RTTN: variants seen among roughly 807,000 people sequenced by gnomAD.
RTTN encodes the protein rotatin.
Under a neutral mutation model 269.2 loss-of-function variants are expected in RTTN, and 182 were observed. The observed-to-expected ratio is 0.68, with a 90% confidence interval of 0.60 to 0.76. The LOEUF (loss-of-function observed/expected upper bound fraction) is 0.76, where lower values mean the gene tolerates loss of function less well. RTTN is among the 30% of genes least tolerant of loss of function. The pLI, the probability that RTTN is intolerant of heterozygous loss-of-function variation, is 0.00. For missense variants in RTTN, 2,545 were observed against 2,608.6 expected, an observed-to-expected ratio of 0.98 and a Z score of 0.53; for synonymous variants, 1,006 against 963.5, an observed-to-expected ratio of 1.04 and a Z score of -0.82.
intron 35 of RTTN, chr18:70,061,453 A>C (rs898242071): frequency 9.7e-5 from 44 of 455,854 alleles, no homozygotes; most frequent in Admixed American, 1.6e-4. Flanking sequence ...AAATGTATAC[A>C]TTGCTATTTA....
rs1308660238 is a variant in RTTN at position 70,100,156 on chromosome 18, TA to T, written c.3904-7353del. On this transcript the variant is annotated intron_variant, in intron 28 of 48. Coordinates refer to ENST00000640769, the MANE Select transcript of RTTN (RefSeq NM_173630.4). ...CTTGATGAAGGTGGCATTGAATCTA[TA>T]AATTACCTTGGCCAGTATGGCCATT... 2.0e-5 allele frequency among the ~76,000 whole-genome samples: 3 copies of T among 152,262 alleles called. No homozygotes were observed. In the East Asian group the frequency reaches 5.8e-4, roughly 29 times the overall value.
At chr18:70,024,345 T>C (rs145950567) in intron 44 of RTTN, among the ~76,000 whole-genome samples, 3 of 152,220 alleles carry the variant, frequency 2.0e-5, no homozygotes, top group South Asian at 2.1e-4. Context: ...CCAACTGTTA[T>C]GAGAACTTTC....
chr18:70,113,889 A>T (rs1359197364), intron 27 of RTTN, among the ~76,000 whole-genome samples: 1 of 152,084 alleles, frequency 6.6e-6, no homozygotes, highest in Non-Finnish European at 1.5e-5. Context: ...GCCCAGAGGA[A>T]TGTGTGAATA....
At chr18:70,126,213 T>C (rs1452828650) in intron 25 of RTTN, among the ~76,000 whole-genome samples, 1 of 152,128 alleles carries the variant, frequency 6.6e-6, no homozygotes, top group Non-Finnish European at 1.5e-5. Context: ...TCCTGTAATG[T>C]GGTATTGCAT....
intron 31 of RTTN, 28 bp downstream of exon 31, chr18:70,087,961 G>C: frequency 1.2e-6 from 2 of 1,606,128 alleles, no homozygotes; most frequent in Non-Finnish European, 1.7e-6. Context: ...GAATTTCTAA[G>C]GAAAAAAAGG....
chr18:70,086,576 A>G, intron 32 of RTTN, 37 bp downstream of exon 32: 1 of 1,421,498 alleles, frequency 7.0e-7, no homozygotes, highest in Non-Finnish European at 9.8e-7. Flanking sequence ...TTAATTTGAA[A>G]CATCTACTAG....
chr18:70,024,662 C>T (rs1291919082), intron 44 of RTTN, 60 bp downstream of exon 44: 5 of 1,459,800 alleles, frequency 3.4e-6, no homozygotes, highest in Non-Finnish European at 4.8e-6. Flanking sequence ...TCCACCTTAA[C>T]AACATTTATA....
At chr18:70,041,441 G>A (rs1187784527) in intron 40 of RTTN, among the ~76,000 whole-genome samples, 1 of 152,010 alleles carries the variant, frequency 6.6e-6, no homozygotes, top group African/African-American at 2.4e-5. Flanking sequence ...AGAGGCAAGT[G>A]TATTAGGCTT....
Position 70,092,747 on chromosome 18 carries a change from C to T in RTTN, c.3961G>A (p.Gly1321Ser). ...CAAAGAATTGTGCTCTTTGTAACAC[C>T]TTTTCCCATGAAGGACATAGCATTT... The part of the protein sequence containing the change: ...GGNAMSFMGK[G>S]VTKSTILCLL... The change falls in exon 29 of 49, where the codon GGT becomes AGT. Residue 1321 changes from glycine (G) to serine (S), a missense_variant. Gly to Ser is a moderately conservative substitution (Grantham distance 56). Coordinates refer to ENST00000640769, the MANE Select transcript of RTTN (RefSeq NM_173630.4). 1.2e-6 allele frequency: 2 copies of T among 1,613,520 alleles called. No homozygotes were observed. The highest frequency in any genetic ancestry group is 2.2e-5 in the East Asian group (1 of 44,866).
At chr18:70,071,581 T>C (rs1007889613) in intron 34 of RTTN, among the ~76,000 whole-genome samples, 3 of 152,152 alleles carry the variant, frequency 2.0e-5, no homozygotes, top group African/African-American at 2.4e-5. Flanking sequence ...GAGGAGAATA[T>C]TGAGTTCGAT....
rs774834767 is a variant in RTTN, at chr18:70,030,106, T to G, written c.5651A>C (p.Asn1884Thr). The G allele has an allele frequency of 1.9e-6, 3 of 1,609,564 alleles. No individual in the cohort carries two copies. The highest frequency in any genetic ancestry group is 1.7e-6 in the Non-Finnish European group (2 of 1,177,526). The change falls in exon 42 of 49, where the codon AAT (asparagine) becomes ACT (threonine). Residue 1884 changes from asparagine (N) to threonine (T), a missense_variant. Coordinates refer to ENST00000640769, the MANE Select transcript of RTTN (RefSeq NM_173630.4). Reference sequence around the variant, plus strand: ...CTGCTCCATGCAATTGTCTATAAGATTGGCTGAAAGACAAAATCTGCAGTA... The same window carrying G: ...CTGCTCCATGCAATTGTCTATAAGAGTGGCTGAAAGACAAAATCTGCAGTA... The part of the protein sequence containing the change: ...RRAQKHALKA[N>T]LIDNCMEQMK...
At chr18:70,189,889 T>C (rs7234144) in intron 9 of RTTN, among the ~76,000 whole-genome samples, 13,836 of 152,268 alleles carry the variant, frequency 0.091, 1,400 homozygotes, top group African/African-American at 0.25. Context: ...ACAATTACAA[T>C]TAAATACCAG....
chr18:70,059,015 T>G (rs192104926), intron 36 of RTTN, among the ~76,000 whole-genome samples: 1 of 152,006 alleles, frequency 6.6e-6, no homozygotes, highest in Admixed American at 6.6e-5. Context: ...TGTTCAAAGG[T>G]AAAGGGACAG....
intron 37 of RTTN, among the ~76,000 whole-genome samples, chr18:70,054,642 G>A (rs2057765719): frequency 6.6e-6 from 1 of 152,092 alleles, no homozygotes; most frequent in South Asian, 2.1e-4. Context: ...AGACCAGCCT[G>A]GGCAATACGG....
chr18:70,022,236 T>C (rs1260182184), intron 44 of RTTN, among the ~76,000 whole-genome samples: 1 of 152,138 alleles, frequency 6.6e-6, no homozygotes, highest in East Asian at 1.9e-4. Context: ...TTCTTAGTGG[T>C]CAGTGTTCTC....
At chr18:70,154,163 ATT>A (rs1230508368) in intron 14 of RTTN, among the ~76,000 whole-genome samples, 1 of 151,926 alleles carries the variant, frequency 6.6e-6, no homozygotes, top group Non-Finnish European at 1.5e-5. Flanking sequence ...AATTCAGTGC[ATT>A]TTTTTTAAAA....
intron 42 of RTTN, among the ~76,000 whole-genome samples, chr18:70,029,192 C>T (rs189770729): frequency 1.7e-4 from 24 of 144,456 alleles, no homozygotes; most frequent in Admixed American, 1.2e-3. Flanking sequence ...AACTGATAAA[C>T]ATACAATCAA....
At chr18:70,092,880 C>T in intron 28 of RTTN, 76 bp from the exon 29 acceptor site, 2 of 1,306,092 alleles carry the variant, frequency 1.5e-6, no homozygotes, top group Non-Finnish European at 2.1e-6. Context: ...TAACTGTCTA[C>T]TGACTTGTAT....
At chr18:70,041,193 G>A (rs1344009657) in intron 40 of RTTN, among the ~76,000 whole-genome samples, 1 of 151,848 alleles carries the variant, frequency 6.6e-6, no homozygotes, top group Non-Finnish European at 1.5e-5. Flanking sequence ...CTGGGTGACA[G>A]AGTGAGACTC....
Sources: gnomAD v4.1 joint callset for allele counts (sites outside exome capture counted in the v4.1 genomes callset) on GRCh38, gnomAD v4.1.1 for gene constraint, MANE v1.5 for transcripts, NCBI Gene and HGNC (gene_info 2026-07-23, HGNC 2026-07-21) for gene names.